Variants in BTBD9 observed in about 807,000 individuals in gnomAD.
BTBD9 encodes BTB/POZ domain-containing protein 9.
In BTBD9, 49 loss-of-function variants were observed where a neutral mutation model predicts 64.3. The ratio of observed to expected loss-of-function variants is 0.76; its 90% CI spans 0.61 to 0.97. BTBD9 has a LOEUF of 0.97. Among genes scored for constraint, BTBD9 ranks in the 50% least tolerant of loss-of-function variants. The pLI is 0.00. For synonymous variants in BTBD9, 260 were observed against 274.7 expected (o/e 0.95, Z 0.53); for missense variants, 598 against 762.1 (o/e 0.78, Z 2.53).
Position 38,171,511 on chromosome 6 carries a change from C to T in BTBD9, c.*3474G>A, listed in dbSNP as rs183281309. The T allele has an allele frequency of 6.9e-6, 1 of 144,842 alleles. No homozygotes were observed. Among genetic ancestry groups the T allele is most frequent in the Non-Finnish European group, 1.5e-5 (1 of 67,190 alleles). 9.0% of individuals were successfully genotyped at this position (144,842 alleles called of 1,614,324 possible). A position where few individuals can be genotyped will look rare whatever the true frequency, so the allele number is the denominator to read the frequency against. ...CATGGCTTGTGCTTCTAACTAAAAT[C>T]AAAGGAATGAAAGCAGAAAAAGCAC... On this transcript the variant is annotated 3_prime_UTR_variant, in exon 11 of 11. Transcript: ENST00000481247.
At chr6:38,286,938 C>T (rs1391814358) in intron 8 of BTBD9, among the ~76,000 whole-genome samples, 2 of 151,722 alleles carry the variant, frequency 1.3e-5, no homozygotes, top group African/African-American at 2.4e-5. Context: ...AAAAATTAGC[C>T]AGCCATGGTG....
At chr6:38,219,457 T>C (rs1763127697) in intron 9 of BTBD9, among the ~76,000 whole-genome samples, 1 of 152,098 alleles carries the variant, frequency 6.6e-6, no homozygotes, top group African/African-American at 2.4e-5. Flanking sequence ...TTTTCTTTTT[T>C]AGACTAAATA....
chr6:38,246,952 C>T (rs956185577), intron 9 of BTBD9, among the ~76,000 whole-genome samples: 4 of 152,174 alleles, frequency 2.6e-5, no homozygotes, highest in Non-Finnish European at 2.9e-5. Flanking sequence ...GAAGACATTT[C>T]CTCCTTTATA....
At chr6:38,523,525 C>T (rs1773357372) in intron 6 of BTBD9, among the ~76,000 whole-genome samples, 1 of 152,210 alleles carries the variant, frequency 6.6e-6, no homozygotes, top group African/African-American at 2.4e-5. Context: ...AGCTCTGTCC[C>T]AACCAAACCA....
chr6:38,405,171 C>T (rs1374853938), intron 6 of BTBD9, among the ~76,000 whole-genome samples: 1 of 152,206 alleles, frequency 6.6e-6, no homozygotes, highest in Non-Finnish European at 1.5e-5. Flanking sequence ...ATCCAGAATG[C>T]TAAATAGACA....
In BTBD9 at chr6:38,580,322, T is replaced by G; in HGVS notation, c.930A>C (p.Ser310=). Residue 310 remains serine (S), a synonymous_variant, in exon 5 of 11, where the codon TCA becomes TCC. Transcript: ENST00000481247. ...TQNYDLDHGF[S]RHPIDDDCRS... ...GGCAGTCATCATCAATTGGGTGCCT[T>G]GAAAATCCATGATCCAAATCATAAT... 6.2e-7 allele frequency: 1 copy of G among 1,614,252 alleles called. No individual in the cohort carries two copies.
chr6:38,449,662 T>C lies in BTBD9; in HGVS notation c.1155-104569A>G, dbSNP rs113660685. On this transcript the variant is annotated intron_variant, in intron 6 of 10. Transcript: ENST00000481247. The stretch of plus-strand genomic sequence containing the variant: ...GCTTATGCCTGTAATCACAACACTT[T>C]GGGAGGCCAAGGTAGGAGGATTGCT... 5.2e-3 allele frequency among the ~76,000 whole-genome samples: 798 copies of C among 152,140 alleles called. 4 individuals are homozygous for C. The highest frequency in any genetic ancestry group is 0.018 in the African/African-American group (742 of 41,512).
chr6:38,206,395 C>T (rs1311042799), intron 9 of BTBD9, among the ~76,000 whole-genome samples: 1 of 151,680 alleles, frequency 6.6e-6, no homozygotes, highest in African/African-American at 2.4e-5. Flanking sequence ...CACCTGCCAC[C>T]ATGCCCAGCT....
chr6:38,248,843 C>T (rs926013155), intron 9 of BTBD9, among the ~76,000 whole-genome samples: 3 of 152,106 alleles, frequency 2.0e-5, no homozygotes, highest in Admixed American at 6.5e-5. Flanking sequence ...TGGTGAATTT[C>T]GAGAAAATGA....
chr6:38,472,369 G>C (rs1185527706), intron 6 of BTBD9, among the ~76,000 whole-genome samples: 1 of 152,058 alleles, frequency 6.6e-6, no homozygotes, highest in Non-Finnish European at 1.5e-5. Flanking sequence ...ATAAAACCCA[G>C]CATGAAACAA....
chr6:38,368,695 T>C (rs1046235538), intron 6 of BTBD9, among the ~76,000 whole-genome samples: 2 of 152,084 alleles, frequency 1.3e-5, no homozygotes, highest in Non-Finnish European at 2.9e-5. Context: ...ACCCCCTTCT[T>C]GCCCCCTGTC....
chr6:38,298,704 T>G (rs1205287236), intron 7 of BTBD9, among the ~76,000 whole-genome samples: 1 of 152,156 alleles, frequency 6.6e-6, no homozygotes, highest in Non-Finnish European at 1.5e-5. Flanking sequence ...TGATGCCTAT[T>G]TCTTTACTCT....
At chr6:38,217,342 A>G (rs904992180) in intron 9 of BTBD9, among the ~76,000 whole-genome samples, 1 of 137,492 alleles carries the variant, frequency 7.3e-6, no homozygotes. Context: ...AAAAAAAAAA[A>G]GAATCCCCAT....
intron 1 of BTBD9, among the ~76,000 whole-genome samples, chr6:38,616,058 G>T (rs34958830): frequency 0.21 from 32,098 of 152,152 alleles, 3,704 homozygotes; most frequent in Middle Eastern, 0.3. Flanking sequence ...ACTGGAGGGA[G>T]ATTCTCCAAC....
intron 6 of BTBD9, among the ~76,000 whole-genome samples, chr6:38,395,124 A>C (rs1766609576): frequency 6.6e-6 from 1 of 152,174 alleles, no homozygotes; most frequent in Non-Finnish European, 1.5e-5. Context: ...GAATGAGATT[A>C]GTTCCCTTAT....
intron 6 of BTBD9, among the ~76,000 whole-genome samples, chr6:38,448,662 C>T (rs1036821057): frequency 6.6e-6 from 1 of 152,060 alleles, no homozygotes; most frequent in African/African-American, 2.4e-5. Context: ...GGATTACAGC[C>T]GTGTGCAACC....
At chr6:38,616,781 C>T (rs1272106110) in intron 1 of BTBD9, among the ~76,000 whole-genome samples, 2 of 152,108 alleles carry the variant, frequency 1.3e-5, no homozygotes, top group Admixed American at 6.5e-5. Context: ...GCTCAGGTCC[C>T]CTTCCACGCT....
At chr6:38,237,438 C>T (rs1763815163) in intron 9 of BTBD9, among the ~76,000 whole-genome samples, 1 of 152,176 alleles carries the variant, frequency 6.6e-6, no homozygotes, top group African/African-American at 2.4e-5. Context: ...CTGGTTTTAG[C>T]AAGTCAGATG....
At chr6:38,520,597 C>T (rs1478223630) in intron 6 of BTBD9, among the ~76,000 whole-genome samples, 1 of 151,826 alleles carries the variant, frequency 6.6e-6, no homozygotes, top group African/African-American at 2.4e-5. Flanking sequence ...TGTAGAATAA[C>T]CAAAAAGGAA....
Sources: gnomAD v4.1 joint callset for allele counts (sites outside exome capture counted in the v4.1 genomes callset) on GRCh38, gnomAD v4.1.1 for gene constraint, MANE v1.5 for transcripts, NCBI Gene and HGNC (gene_info 2026-07-23, HGNC 2026-07-21) for gene names.